The following TMEM8B variants were observed in gnomAD, a reference collection of about 807,000 sequenced individuals.
TMEM8B encodes nasopharyngeal carcinoma expressed 6.
A neutral mutation model predicts 49.3 loss-of-function variants in TMEM8B; 29 were observed. The ratio of observed to expected loss-of-function variants is 0.59; its 90% CI spans 0.44 to 0.80. TMEM8B has a LOEUF of 0.80. Among genes scored for constraint, TMEM8B ranks in the 30% least tolerant of loss-of-function variants. The probability of loss-of-function intolerance (pLI) is 0.00; values close to 1 mark genes in which losing one functional copy is unlikely to be tolerated. For synonymous variants in TMEM8B, 264 were observed against 272.8 expected, an observed-to-expected ratio of 0.97 and a Z score of 0.32; for missense variants, 575 against 658.5, an observed-to-expected ratio of 0.87 and a Z score of 1.39.
rs1280127242 is a variant in TMEM8B, at chr9:35,853,590, C to T, written c.2525C>T (p.Ala842Val). 3 of 1,614,248 alleles carry T rather than the reference C, an allele frequency of 1.9e-6. No homozygotes were observed. Among genetic ancestry groups the T allele is most frequent in the Non-Finnish European group, 1.7e-6 (2 of 1,180,052 alleles). The change falls in exon 13 of 13, where the codon GCA becomes GTA. Residue 842 changes from alanine to valine, a missense_variant. By Grantham distance (64) the Ala-to-Val change is moderately conservative. Coordinates refer to ENST00000643932, the MANE Select transcript of TMEM8B (RefSeq NM_001042590.4). The surrounding 1 kb of genome is among the most constrained non-coding windows in gnomAD (Gnocchi z 4.2). ...TACTTGTGCCCTGGCAGCCTTATTG[C>T]AGGCAGTGCCGTCCTGCTTTATGCT... is the stretch of plus-strand genomic sequence containing the variant. Reference protein sequence around the residue: ...LFYLCPGSLIAGSAVLLYAFV... With the variant: ...LFYLCPGSLIVGSAVLLYAFV...
chr9:35,847,199 AC>A, intron 10 of TMEM8B: 1 of 1,540,764 alleles, frequency 6.5e-7, no homozygotes, highest in Non-Finnish European at 9.0e-7. Flanking sequence ...AATGAACAAA[AC>A]TGTTTGCAAC....
chr9:35,835,263 C>T, intron 3 of TMEM8B, 45 bp downstream of exon 3: 1 of 413,740 alleles, frequency 2.4e-6, no homozygotes, highest in Non-Finnish European at 4.4e-6. Context: ...ACTGCCCTTC[C>T]ATCTCTGCTG....
At position 35,846,501 on chromosome 9, in the gene TMEM8B, TGCGGATG is replaced by T; in HGVS notation, c.1887_1893del (p.Arg630AlafsTer62). ...CGGTGCCGCAACGCGACGGCCGAGGTGCGGATGCGCACCTTCCTGTCCCCATGCGTGG... is the reference window on the plus strand; with the variant it reads ...CGGTGCCGCAACGCGACGGCCGAGGTCGCACCTTCCTGTCCCCATGCGTGG... On this transcript the variant is annotated frameshift_variant, in exon 9 of 13. Coordinates refer to ENST00000643932, the MANE Select transcript of TMEM8B (RefSeq NM_001042590.4). LOFTEE classifies it high-confidence loss of function. 6.3e-7 allele frequency: 1 copy of T among 1,596,720 alleles called. No individual in the cohort carries two copies. The highest frequency in any genetic ancestry group is 8.5e-7 in the Non-Finnish European group (1 of 1,171,854).
Position 35,853,985 on chromosome 9 carries a change from T to A in TMEM8B, c.*145T>A. Reference sequence around the variant, plus strand: ...AGGACACAAAACTCTTCCAGGGACCTGGAGCCCTTCCCAGGACATGGAGAA... The same window carrying A: ...AGGACACAAAACTCTTCCAGGGACCAGGAGCCCTTCCCAGGACATGGAGAA... On this transcript the variant is annotated 3_prime_UTR_variant, in exon 13 of 13. Transcript: ENST00000643932. The surrounding 1 kb of genome is among the most constrained non-coding windows in gnomAD (Gnocchi z 4.2). 12 of 1,362,104 alleles carry A rather than the reference T, an allele frequency of 8.8e-6. No individual in the cohort carries two copies. Among genetic ancestry groups the A allele is most frequent in the Non-Finnish European group, 1.1e-5 (12 of 1,062,430 alleles). The allele number at this position is 1,362,104 out of a possible 1,614,324, so 84.4% of individuals were successfully genotyped here.
intron 10 of TMEM8B, among the ~76,000 whole-genome samples, chr9:35,848,445 A>G (rs1048800754): frequency 6.6e-6 from 1 of 152,180 alleles, no homozygotes; most frequent in Non-Finnish European, 1.5e-5. Context: ...ATTAGTAAGA[A>G]TACCTAAGTG....
Position 35,855,999 on chromosome 9 carries a change from C to G in TMEM8B, c.*2159C>G, listed in dbSNP as rs187037673. The G allele has an allele frequency of 2.6e-5, 4 of 152,334 alleles. No homozygotes were observed. Among genetic ancestry groups the G allele is most frequent in the Admixed American group, 2.6e-4 (4 of 15,306 alleles). The allele number at this position is 152,334 out of a possible 1,614,324, so 9.4% of individuals were successfully genotyped here. On this transcript the variant is annotated 3_prime_UTR_variant, in exon 13 of 13. Coordinates refer to ENST00000643932, the MANE Select transcript of TMEM8B (RefSeq NM_001042590.4). ...AAATAGCTGGGATTCTGGACAGAGT[C>G]AGCAGAGTACAGAAGGCTCTGAAGT...
Position 35,830,926 on chromosome 9 carries a change from C to T in TMEM8B, c.508+971C>T, listed in dbSNP as rs564650360. ...GGATGTGCCATGAAGATGGCTCCATCATGGAGTGACTGTAGTCTTCATGGC... is the reference window on the plus strand; with the variant it reads ...GGATGTGCCATGAAGATGGCTCCATTATGGAGTGACTGTAGTCTTCATGGC... On this transcript the variant is annotated intron_variant, in intron 1 of 12. Transcript: ENST00000643932. Among the ~76,000 whole-genome samples, 17 of 152,296 alleles carry T rather than the reference C, an allele frequency of 1.1e-4. No individual in the cohort carries two copies. In the South Asian group the frequency reaches 3.5e-3, roughly 32 times the overall value.
In TMEM8B at chr9:35,846,083, G is replaced by C. The variant is rs764621383; in HGVS notation, c.1729+15G>C. ...CTGTTCCAAAGGTGAGGTGAGGAATGGGGGAGGAGAGGAAGCTGCAGTGTG... is the reference window on the plus strand; with the variant it reads ...CTGTTCCAAAGGTGAGGTGAGGAATCGGGGAGGAGAGGAAGCTGCAGTGTG... On this transcript the variant is annotated intron_variant, in intron 7 of 12. Coordinates refer to ENST00000643932, the MANE Select transcript of TMEM8B (RefSeq NM_001042590.4). 1.9e-6 allele frequency: 3 copies of C among 1,613,692 alleles called. No homozygotes were observed. The highest frequency in any genetic ancestry group is 2.5e-6 in the Non-Finnish European group (3 of 1,179,924).
chr9:35,845,532 C>T, intron 6 of TMEM8B: 6 of 985,396 alleles, frequency 6.1e-6, no homozygotes, highest in Non-Finnish European at 7.2e-6. Flanking sequence ...GATCATTTCA[C>T]CTGAGTTGGA....
chr9:35,845,179 C>T (rs1831399041), intron 6 of TMEM8B, among the ~76,000 whole-genome samples: 2 of 152,322 alleles, frequency 1.3e-5, no homozygotes, highest in South Asian at 4.1e-4. Context: ...TCTCCAGAGA[C>T]TCTGATTAGC....
At chr9:35,848,122 G>C (rs915780920) in intron 10 of TMEM8B, among the ~76,000 whole-genome samples, 2 of 152,122 alleles carry the variant, frequency 1.3e-5, no homozygotes, top group African/African-American at 4.8e-5. Context: ...GGAGAAAGCA[G>C]GGGCAAATGT....
At position 35,851,594 on chromosome 9, in the gene TMEM8B, T is replaced by C. The variant is rs187854023; in HGVS notation, c.2176-1233T>C. The stretch of plus-strand genomic sequence containing the variant: ...CCTTTCGAAAGCCTGGAACACCCAC[T>C]TAAAACATGTTCATCCTTAGGCAGT... On this transcript the variant is annotated intron_variant, in intron 10 of 12. Transcript: ENST00000643932. Among the ~76,000 whole-genome samples the C allele has an allele frequency of 4.5e-4, 68 of 152,322 alleles. 1 individual carries two copies. Among genetic ancestry groups the C allele is most frequent in the Admixed American group, 4.0e-3 (61 of 15,302 alleles).
At chr9:35,830,293 C>T (rs757783556) in intron 1 of TMEM8B, among the ~76,000 whole-genome samples, 23 of 152,126 alleles carry the variant, frequency 1.5e-4, no homozygotes, top group Middle Eastern at 3.2e-3. Flanking sequence ...GAGAGACAGT[C>T]CCACACCAGA....
intron 3 of TMEM8B, among the ~76,000 whole-genome samples, chr9:35,837,608 T>G (rs1043335492): frequency 3.3e-5 from 5 of 152,104 alleles, no homozygotes; most frequent in Non-Finnish European, 5.9e-5. Context: ...CCTGAAAGGT[T>G]GTAAAAAAGA....
intron 1 of TMEM8B, among the ~76,000 whole-genome samples, chr9:35,833,849 C>T (rs1271990966): frequency 2.0e-5 from 3 of 152,178 alleles, no homozygotes; most frequent in African/African-American, 7.2e-5. Flanking sequence ...CCTCCCCTCT[C>T]CTGCCCTGAG....
chr9:35,846,536 G>A lies in TMEM8B; in HGVS notation c.1921G>A (p.Asp641Asn), dbSNP rs748426089. The change falls in exon 9 of 13, where the codon GAC becomes AAC. Residue 641 changes from aspartate (D) to asparagine (N), a missense_variant. Physicochemically the swap from Asp to Asn is conservative, Grantham distance 23. Transcript: ENST00000643932. ...MRTFLSPCVD[D>N]CGPYGQCKLL... The stretch of plus-strand genomic sequence containing the variant: ...CACCTTCCTGTCCCCATGCGTGGAC[G>A]ACTGCGGGCCCTACGGCCAGTGCAA... The A allele has an allele frequency of 6.3e-7, 1 of 1,583,216 alleles. No individual in the cohort carries two copies. The highest frequency in any genetic ancestry group is 1.8e-5 in the Admixed American group (1 of 54,820).
At position 35,861,198 on chromosome 9, in the gene TMEM8B, T is replaced by A. The variant is rs1471704436; in HGVS notation, c.*7358T>A. On this transcript the variant is annotated 3_prime_UTR_variant, in exon 13 of 13. Coordinates refer to ENST00000643932, the MANE Select transcript of TMEM8B (RefSeq NM_001042590.4). ...CCCTGTCTGTCCTTCCGGGCTAGAT[T>A]TCTTCTTTCTCTTATTCCTCCTGTT... is the stretch of plus-strand genomic sequence containing the variant. 1 of 152,276 alleles carries A rather than the reference T, an allele frequency of 6.6e-6. No homozygotes were observed. Among genetic ancestry groups the A allele is most frequent in the East Asian group, 1.9e-4 (1 of 5,196 alleles). The allele number at this position is 152,276 out of a possible 1,614,324, so 9.4% of individuals were successfully genotyped here.
chr9:35,846,715 A>G (rs1831623682), intron 9 of TMEM8B, 102 bp from the exon 10 acceptor site: 2 of 1,541,514 alleles, frequency 1.3e-6, no homozygotes, highest in East Asian at 2.3e-5. Flanking sequence ...TGAATTGGGG[A>G]CGGGTTTGGC....
At chr9:35,838,033 A>G (rs1885372) in intron 3 of TMEM8B, among the ~76,000 whole-genome samples, 57,084 of 152,042 alleles carry the variant, frequency 0.38, 10,986 homozygotes, top group Middle Eastern at 0.52. Context: ...AAAGTGAAGA[A>G]GTCGACTGTA....
Sources: gnomAD v4.1 joint callset for allele counts (sites outside exome capture counted in the v4.1 genomes callset) on GRCh38, gnomAD v4.1.1 for gene constraint, Gnocchi (gnomAD v3.1) non-coding constraint, MANE v1.5 for transcripts, NCBI Gene and HGNC (gene_info 2026-07-23, HGNC 2026-07-21) for gene names.